Variants in CCDC91 observed in about 807,000 individuals in gnomAD.
CCDC91 encodes coiled-coil domain-containing protein 91.
CCDC91 carries 48 observed loss-of-function variants against 63.2 expected under a neutral mutation model. The observed-to-expected ratio is 0.76, with a 90% confidence interval of 0.60 to 0.97. The LOEUF is 0.97. CCDC91 is among the 50% of genes least tolerant of loss of function. The pLI is 0.00. For missense variants in CCDC91, 500 were observed against 494.6 expected (o/e 1.01, Z -0.10); for synonymous variants, 167 against 165.8 (o/e 1.01, Z -0.06).
At chr12:28,367,917 C>T (rs996174393) in intron 7 of CCDC91, among the ~76,000 whole-genome samples, 7 of 152,140 alleles carry the variant, frequency 4.6e-5, no homozygotes, top group African/African-American at 1.2e-4. Flanking sequence ...CTTCCCTGAA[C>T]AGGAAAGGAT....
intron 12 of CCDC91, among the ~76,000 whole-genome samples, chr12:28,507,162 T>C (rs1592892293): frequency 1.3e-5 from 2 of 151,848 alleles, no homozygotes; most frequent in Non-Finnish European, 2.9e-5. Flanking sequence ...ATTAAGGGGG[T>C]AAAAAACTTC....
At chr12:28,472,596 T>A (rs1327851603) in intron 11 of CCDC91, among the ~76,000 whole-genome samples, 1 of 152,172 alleles carries the variant, frequency 6.6e-6, no homozygotes, top group Admixed American at 6.5e-5. Context: ...GTTTGTTAGT[T>A]GGTTGTTAAT....
At chr12:28,369,141 A>G (rs1944453529) in intron 7 of CCDC91, among the ~76,000 whole-genome samples, 1 of 152,194 alleles carries the variant, frequency 6.6e-6, no homozygotes, top group Non-Finnish European at 1.5e-5. Flanking sequence ...ATTAACCCAA[A>G]GTCCAAGTCC....
intron 1 of CCDC91, among the ~76,000 whole-genome samples, chr12:28,244,969 G>A (rs1945628338): frequency 6.6e-6 from 1 of 151,888 alleles, no homozygotes; most frequent in Non-Finnish European, 1.5e-5. Flanking sequence ...TAACTAGAAA[G>A]TATAAAAGAA....
chr12:28,276,172 T>A (rs1948209099), intron 3 of CCDC91, among the ~76,000 whole-genome samples: 1 of 152,074 alleles, frequency 6.6e-6, no homozygotes. Flanking sequence ...TAAAGACATT[T>A]GGCATCTTTA....
chr12:28,538,430 A>G (rs1942362329), intron 12 of CCDC91, among the ~76,000 whole-genome samples: 1 of 152,184 alleles, frequency 6.6e-6, no homozygotes, highest in Middle Eastern at 3.4e-3. Context: ...TACAAAGGAC[A>G]TGAACTCATC....
At chr12:28,428,521 A>G (rs1027834647) in intron 8 of CCDC91, among the ~76,000 whole-genome samples, 2 of 135,908 alleles carry the variant, frequency 1.5e-5, no homozygotes, top group African/African-American at 2.8e-5. Flanking sequence ...GTGAGCTGAG[A>G]TTGCACCATT....
chr12:28,423,042 A>G lies in CCDC91; in HGVS notation c.763-27119A>G, dbSNP rs112949458. On this transcript the variant is annotated intron_variant, in intron 8 of 12. Coordinates refer to ENST00000536442, the MANE Select transcript of CCDC91 (RefSeq NM_018318.5). ...TAACTTCTTTCTGACAGAGGAAATT[A>G]TTAAAAGAAAACAGAAACTCTAGAG... Among the ~76,000 whole-genome samples, 17 of 152,228 alleles carry G rather than the reference A, an allele frequency of 1.1e-4. 1 individual carries two copies. Among genetic ancestry groups the G allele is most frequent in the African/African-American group, 4.1e-4 (17 of 41,562 alleles).
At position 28,272,996 on chromosome 12, in the gene CCDC91, CA is replaced by C. The variant is rs757281602; in HGVS notation, c.109+13555del. Among the ~76,000 whole-genome samples the C allele has an allele frequency of 7.9e-3, 1,094 of 139,230 alleles. 1 individual carries two copies. Among genetic ancestry groups the C allele is most frequent in the South Asian group, 0.015 (53 of 3,638 alleles). 91.3% of individuals were successfully genotyped at this position (139,230 alleles called of 152,430 possible). A position where few individuals can be genotyped will look rare whatever the true frequency, so the allele number is the denominator to read the frequency against. On this transcript the variant is annotated intron_variant, in intron 3 of 12. Transcript: ENST00000536442. ...AAATGCTATCCCTTCCCCCTCCCCCCACCCCACAACAGGCCCCTGTGTGTGA... is the reference window on the plus strand; with the variant it reads ...AAATGCTATCCCTTCCCCCTCCCCCCCCCCACAACAGGCCCCTGTGTGTGA...
chr12:28,497,653 A>G (rs1366227101), intron 12 of CCDC91, among the ~76,000 whole-genome samples: 3 of 151,622 alleles, frequency 2.0e-5, no homozygotes, highest in Non-Finnish European at 4.4e-5. Flanking sequence ...ATTGAGTCAT[A>G]AAATAGTCCC....
intron 8 of CCDC91, among the ~76,000 whole-genome samples, chr12:28,422,811 G>A (rs10843166): frequency 0.2 from 30,696 of 151,992 alleles, 4,070 homozygotes; most frequent in Non-Finnish European, 0.3. Flanking sequence ...CACTTTAAAA[G>A]TATATGTTCA....
At chr12:28,421,960 G>C (rs930890786) in intron 8 of CCDC91, among the ~76,000 whole-genome samples, 2 of 152,040 alleles carry the variant, frequency 1.3e-5, no homozygotes, top group African/African-American at 4.8e-5. Flanking sequence ...AAGGAGTCTT[G>C]AGTACTTGTT....
In CCDC91 at chr12:28,276,705, T is replaced by A. The variant is rs373026052; in HGVS notation, c.109+17263T>A. On this transcript the variant is annotated intron_variant, in intron 3 of 12. Coordinates refer to ENST00000536442, the MANE Select transcript of CCDC91 (RefSeq NM_018318.5). ...ATAAAAGGACAGTGATTTTTTTATG[T>A]TTGAGAGTATAGAAATTTAACTGGT... Among the ~76,000 whole-genome samples, 7 of 152,008 alleles carry A rather than the reference T, an allele frequency of 4.6e-5. No individual in the cohort carries two copies. The South Asian group carries it at 1.5e-3, about 32-fold the overall frequency.
At chr12:28,364,310 TC>T (rs1944126122) in intron 7 of CCDC91, among the ~76,000 whole-genome samples, 1 of 151,450 alleles carries the variant, frequency 6.6e-6, no homozygotes, top group South Asian at 2.1e-4. Flanking sequence ...ATTGCTTGAA[TC>T]TGGGAGGCGG....
intron 6 of CCDC91, among the ~76,000 whole-genome samples, chr12:28,311,971 C>T (rs1374438114): frequency 2.6e-5 from 4 of 152,008 alleles, no homozygotes; most frequent in African/African-American, 9.7e-5. Flanking sequence ...GTTAGTCTGC[C>T]TTCCCTCTGC....
At chr12:28,450,885 G>A (rs1452631103) in intron 10 of CCDC91, among the ~76,000 whole-genome samples, 2 of 151,792 alleles carry the variant, frequency 1.3e-5, no homozygotes, top group African/African-American at 4.8e-5. Context: ...AATATTGAAT[G>A]TCTCATATCT....
chr12:28,356,473 C>T (rs546008736), intron 6 of CCDC91, among the ~76,000 whole-genome samples: 6 of 152,062 alleles, frequency 3.9e-5, no homozygotes, highest in Admixed American at 1.3e-4. Flanking sequence ...TTTCTCATTC[C>T]GAATTTTTTC....
intron 3 of CCDC91, among the ~76,000 whole-genome samples, chr12:28,283,376 A>G (rs536299549): frequency 5.3e-5 from 8 of 152,026 alleles, no homozygotes; most frequent in Admixed American, 1.3e-4. Context: ...TGTATCATCT[A>G]TGATTTCTTT....
At chr12:28,211,011 A>G (rs1943197528) in intron 1 of CCDC91, among the ~76,000 whole-genome samples, 1 of 134,360 alleles carries the variant, frequency 7.4e-6, no homozygotes, top group South Asian at 2.4e-4. Context: ...GCCATCTTGA[A>G]CAGCGAGGCT....
Sources: allele counts gnomAD v4.1 joint callset (sites outside exome capture counted in the v4.1 genomes callset), GRCh38; gene constraint gnomAD v4.1.1; transcripts MANE v1.5; gene names NCBI Gene and HGNC (gene_info 2026-07-23, HGNC 2026-07-21).